Variants in SFXN2 observed in about 807,000 individuals in gnomAD.
SFXN2 encodes the protein sideroflexin-2.
In SFXN2, 37 loss-of-function variants were observed where a neutral mutation model predicts 41.9. The ratio of observed to expected loss-of-function variants is 0.88; its 90% CI spans 0.68 to 1.16. The LOEUF (loss-of-function observed/expected upper bound fraction) is 1.16, where lower values mean the gene tolerates loss of function less well. Ranked by LOEUF, SFXN2 falls within the 50% of genes most tolerant of loss-of-function variation. The pLI is 0.00. For missense variants in SFXN2, 386 were observed against 425.2 expected (o/e 0.91, Z 0.81); for synonymous variants, 150 against 156.7 (o/e 0.96, Z 0.32).
intron 1 of SFXN2, among the ~76,000 whole-genome samples, chr10:102,719,949 G>A (rs2064481973): frequency 6.6e-6 from 1 of 152,154 alleles, no homozygotes; most frequent in Non-Finnish European, 1.5e-5. Context: ...TAGCTTTTGA[G>A]TATTGTGTTT....
chr10:102,720,227 C>T (rs1026325167), intron 1 of SFXN2, among the ~76,000 whole-genome samples: 4 of 135,842 alleles, frequency 2.9e-5, no homozygotes, highest in Middle Eastern at 4.5e-3. Context: ...AGGAGGTGGA[C>T]GTTGCAGTGA....
rs908768368 is a variant in SFXN2 at position 102,742,783 on chromosome 10, T to A, written c.*5021T>A. 1.3e-5 allele frequency: 2 copies of A among 152,236 alleles called. No homozygotes were observed. The highest frequency in any genetic ancestry group is 4.8e-5 in the African/African-American group (2 of 41,444). 9.4% of individuals were successfully genotyped at this position (152,236 alleles called of 1,614,324 possible). ...CCACACCTGGCTATTTTACCAACATTGATCAAGCTCTGGTTGAGCCTTGTA... is the reference window on the plus strand; with the variant it reads ...CCACACCTGGCTATTTTACCAACATAGATCAAGCTCTGGTTGAGCCTTGTA... On this transcript the variant is annotated 3_prime_UTR_variant, in exon 12 of 12. Coordinates refer to ENST00000369893, the MANE Select transcript of SFXN2 (RefSeq NM_178858.6).
intron 6 of SFXN2, among the ~76,000 whole-genome samples, chr10:102,731,285 A>AAAAAG (rs1280596174): frequency 1.4e-5 from 2 of 145,272 alleles, no homozygotes; most frequent in Non-Finnish European, 3.0e-5. Context: ...AAAAAAAAAA[A>AAAAAG]AGGAATAGCT....
At chr10:102,731,367 C>T (rs2064701638) in intron 6 of SFXN2, among the ~76,000 whole-genome samples, 1 of 150,810 alleles carries the variant, frequency 6.6e-6, no homozygotes, top group Non-Finnish European at 1.5e-5. Flanking sequence ...TAGCCATTAT[C>T]TCATTTAATC....
At chr10:102,723,797 A>G (rs1292686223) in intron 1 of SFXN2, among the ~76,000 whole-genome samples, 1 of 152,162 alleles carries the variant, frequency 6.6e-6, no homozygotes, top group East Asian at 1.9e-4. Context: ...TTCTATTAGT[A>G]TAATTGCATT....
chr10:102,733,211 G>A (rs1057197472), intron 9 of SFXN2, among the ~76,000 whole-genome samples: 24 of 152,084 alleles, frequency 1.6e-4, no homozygotes, highest in Admixed American at 7.2e-4. Context: ...GCAGTGGCGC[G>A]ATCTTGGCTC....
chr10:102,723,416 T>C (rs1199067418), intron 1 of SFXN2, among the ~76,000 whole-genome samples: 3 of 151,768 alleles, frequency 2.0e-5, no homozygotes, highest in East Asian at 1.9e-4. Flanking sequence ...TGCGCCCGGC[T>C]AATTTTTGTA....
At chr10:102,736,368 T>C (rs2064777646) in intron 11 of SFXN2, among the ~76,000 whole-genome samples, 1 of 151,566 alleles carries the variant, frequency 6.6e-6, no homozygotes, top group Non-Finnish European at 1.5e-5. Context: ...GTGATTCTCC[T>C]GCCTCAGCCT....
intron 1 of SFXN2, 30 bp from the exon 2 acceptor site, chr10:102,726,582 G>T: frequency 6.2e-7 from 1 of 1,602,800 alleles, no homozygotes; most frequent in South Asian, 1.1e-5. Flanking sequence ...TTGATTTAGG[G>T]GACAGTCATC....
At position 102,727,119 on chromosome 10, in the gene SFXN2, C is replaced by A. The variant is rs147013711; in HGVS notation, c.294C>A (p.Gly98=). 5 of 1,606,762 alleles carry A rather than the reference C, an allele frequency of 3.1e-6. No homozygotes were observed. The African/African-American group carries it at 5.4e-5, about 17-fold the overall frequency. The change falls in exon 3 of 12, where the codon GGC becomes GGA. Residue 98 remains glycine, a synonymous_variant. Transcript: ENST00000369893. ...VIGRMSFQLP[G]GMIITGFMLQ... is the part of the protein sequence containing the mutation. ...GGCGCATGTCTTTCCAGCTTCCTGG[C>A]GGCATGATCATCACGGGCTTCATGC... is the stretch of plus-strand genomic sequence containing the variant.
chr10:102,735,184 T>TTCCTCCCTCTCCATGTTGC (rs1312667586), intron 10 of SFXN2, among the ~76,000 whole-genome samples: 9 of 142,508 alleles, frequency 6.3e-5, no homozygotes, highest in African/African-American at 2.4e-4. Context: ...CTCTGTGTCC[T>TTCCTCCCTCTCCATGTTGC]TCCTCCCTCT....
At chr10:102,725,824 T>C (rs1025927479) in intron 1 of SFXN2, among the ~76,000 whole-genome samples, 2 of 152,040 alleles carry the variant, frequency 1.3e-5, no homozygotes, top group Non-Finnish European at 2.9e-5. Flanking sequence ...CATTGAACCA[T>C]GATCACACCA....
chr10:102,727,021 C>T lies in SFXN2; in HGVS notation c.196C>T (p.Gln66Ter). ...GVVPPGTQVE[Q>*]LLYAKKLYDS... Reference sequence around the variant, plus strand: ...TGTGCCCCCAGGCACCCAAGTGGAGCAGCTGCTGTATGCCAAGAAGCTGTA... The same window carrying T: ...TGTGCCCCCAGGCACCCAAGTGGAGTAGCTGCTGTATGCCAAGAAGCTGTA... Residue 66 changes from glutamine to a stop codon, truncating the protein, a stop_gained, in exon 3 of 12, where the codon CAG (glutamine) becomes TAG (stop). Transcript: ENST00000369893. LOFTEE classifies it high-confidence loss of function. The T allele has an allele frequency of 1.2e-6, 2 of 1,604,168 alleles. No homozygotes were observed. Among genetic ancestry groups the T allele is most frequent in the Middle Eastern group, 1.7e-4 (1 of 5,726 alleles).
chr10:102,716,352 C>T (rs1021951551), intron 1 of SFXN2: 1 of 151,706 alleles, frequency 6.6e-6, no homozygotes, highest in African/African-American at 2.4e-5. Context: ...GATGATGTTT[C>T]GTTTTTCTCC....
intron 4 of SFXN2, 125 bp downstream of exon 4, chr10:102,728,654 C>T (rs1229475131): frequency 3.9e-6 from 3 of 765,206 alleles, no homozygotes; most frequent in South Asian, 1.5e-5. Flanking sequence ...CACCCTTTCC[C>T]AGGGTTTGGA....
In SFXN2 at chr10:102,729,249, T is replaced by C. The variant is rs181005786; in HGVS notation, c.432-70T>C. On this transcript the variant is annotated intron_variant, in intron 4 of 11. Transcript: ENST00000369893. ...CACGAAGCCTCGCCAGCCGACTTTC[T>C]CCCTGAAGCCCGTGGTTTGGCCCTC... is the stretch of plus-strand genomic sequence containing the variant. The C allele has an allele frequency of 3.4e-5, 50 of 1,486,252 alleles. No homozygotes were observed. The East Asian group carries it at 1.0e-3, about 31-fold the overall frequency. 92.1% of individuals were successfully genotyped at this position (1,486,252 alleles called of 1,614,324 possible). A position where few individuals can be genotyped will look rare whatever the true frequency, so the allele number is the denominator to read the frequency against.
At chr10:102,730,046 A>T (rs2064678394) in intron 6 of SFXN2, among the ~76,000 whole-genome samples, 1 of 152,050 alleles carries the variant, frequency 6.6e-6, no homozygotes, top group Non-Finnish European at 1.5e-5. Context: ...GTGATGTGGG[A>T]TGGGAAAGAC....
intron 11 of SFXN2, among the ~76,000 whole-genome samples, chr10:102,737,032 T>G (rs915381879): frequency 3.3e-5 from 5 of 152,120 alleles, no homozygotes; most frequent in Admixed American, 1.3e-4. Context: ...TGCATGCCTG[T>G]AATCCCAGCT....
At chr10:102,726,437 C>T in intron 1 of SFXN2, 175 bp from the exon 2 acceptor site, 1 of 617,986 alleles carries the variant, frequency 1.6e-6, no homozygotes, top group Non-Finnish European at 2.8e-6. Context: ...TCAGGAAACA[C>T]ATGTTGGTGC....
Sources: allele counts gnomAD v4.1 joint callset (sites outside exome capture counted in the v4.1 genomes callset), GRCh38; gene constraint gnomAD v4.1.1; transcripts MANE v1.5; gene names NCBI Gene and HGNC (gene_info 2026-07-23, HGNC 2026-07-21).